Variants in SKIL observed in about 807,000 individuals in gnomAD.
The protein encoded by SKIL is ski-like protein.
In SKIL, 20 loss-of-function variants were observed where a neutral mutation model predicts 69.6. The ratio of observed to expected loss-of-function variants is 0.29; its 90% CI spans 0.20 to 0.42. The LOEUF (loss-of-function observed/expected upper bound fraction) is 0.42. SKIL is among the 10% of genes least tolerant of loss of function. SKIL has a pLI of 1.00. For synonymous variants in SKIL, 310 were observed against 279.9 expected, an observed-to-expected ratio of 1.11 and a Z score of -1.08; for missense variants, 745 against 783.1, an observed-to-expected ratio of 0.95 and a Z score of 0.58.
At position 170,390,397 on chromosome 3, in the gene SKIL, T is replaced by G; in HGVS notation, c.1604T>G (p.Met535Arg). The G allele has an allele frequency of 6.2e-7, 1 of 1,613,226 alleles. No homozygotes were observed. Among genetic ancestry groups the G allele is most frequent in the Non-Finnish European group, 8.5e-7 (1 of 1,179,164 alleles). The change falls in exon 5 of 7, where the codon ATG (methionine) becomes AGG (arginine). Residue 535 changes from methionine (M) to arginine (R), a missense_variant. Transcript: ENST00000259119. ...DDKGKIMEEV[M>R]RTYLKQQEKL... ...AAGGGAAAAATCATGGAAGAAGTAA[T>G]GAGAACTTATTTAAAACAACAGGAA... is the stretch of plus-strand genomic sequence containing the variant.
Position 170,360,194 on chromosome 3 carries a change from T to G in SKIL, c.-138T>G. ...AAACTAAGTCGCAAAATTTATTAATTTAAGGGGCTCTCGCTTTGAAAGTTT... is the reference window on the plus strand; with the variant it reads ...AAACTAAGTCGCAAAATTTATTAATGTAAGGGGCTCTCGCTTTGAAAGTTT... On this transcript the variant is annotated 5_prime_UTR_variant, in exon 2 of 7. The change creates a new upstream start codon in the 5' untranslated region. Coordinates refer to ENST00000259119, the MANE Select transcript of SKIL (RefSeq NM_005414.5). 4.9e-6 allele frequency: 4 copies of G among 819,088 alleles called. No individual in the cohort carries two copies. Among genetic ancestry groups the G allele is most frequent in the African/African-American group, 1.7e-5 (1 of 58,254 alleles). The allele number at this position is 819,088 out of a possible 1,614,324, so 50.7% of individuals were successfully genotyped here.
At chr3:170,379,189 A>C (rs997953772) in intron 2 of SKIL, among the ~76,000 whole-genome samples, 2 of 152,172 alleles carry the variant, frequency 1.3e-5, no homozygotes. Flanking sequence ...TATGTTGGCC[A>C]GGCTGGTCTT....
chr3:170,361,408 T>C lies in SKIL; in HGVS notation c.1077T>C (p.Ser359=), dbSNP rs1736226514. Residue 359 remains serine, a synonymous_variant, in exon 2 of 7, where the codon AGT becomes AGC. Transcript: ENST00000259119. ...TGAAGGAGAAGTTTAGCATGAGAAG[T>C]GGAAAGAGAAATCAATCCAAGGCAA... ...EEMKEKFSMR[S]GKRNQSKTDA... The C allele has an allele frequency of 1.3e-6, 2 of 1,579,738 alleles. No homozygotes were observed. The highest frequency in any genetic ancestry group is 2.7e-5 in the African/African-American group (2 of 73,006).
intron 3 of SKIL, among the ~76,000 whole-genome samples, chr3:170,383,156 A>G (rs575543362): frequency 6.6e-6 from 1 of 152,224 alleles, no homozygotes; most frequent in South Asian, 2.1e-4. Context: ...TGAGCCCTAG[A>G]TTTTTTTCTA....
At chr3:170,384,896 C>G (rs1028115741) in intron 4 of SKIL, 131 bp downstream of exon 4, 1 of 573,220 alleles carries the variant, frequency 1.7e-6, no homozygotes. Flanking sequence ...AAATGCTACC[C>G]TTCAAAACTC....
In SKIL at chr3:170,357,783, C is replaced by T. The variant is rs1424379787; in HGVS notation, c.-634+20C>T. ...GCACAGGTGCGGCTCCGGCTTACGG[C>T]GGCGACGCGGCGGAGGCGGCGGGAG... On this transcript the variant is annotated intron_variant, in intron 1 of 6. Coordinates refer to ENST00000259119, the MANE Select transcript of SKIL (RefSeq NM_005414.5). The T allele has an allele frequency of 6.2e-6, 1 of 162,150 alleles. No individual in the cohort carries two copies. The highest frequency in any genetic ancestry group is 1.3e-5 in the Non-Finnish European group (1 of 75,972). The allele number at this position is 162,150 out of a possible 1,614,324, so 10.0% of individuals were successfully genotyped here.
rs377418575 is a variant in SKIL at position 170,377,267 on chromosome 3, G to C, written c.1099-3977G>C. Among the ~76,000 whole-genome samples the C allele has an allele frequency of 1.6e-3, 247 of 150,298 alleles. 6 individuals are homozygous for C. Among genetic ancestry groups the C allele is most frequent in the African/African-American group, 5.8e-3 (238 of 40,972 alleles). The stretch of plus-strand genomic sequence containing the variant: ...TCCTTTTTTTTTTTGAGATGGAGTT[G>C]CACTTTGTTGCCCAGGCTGGAGTGC... On this transcript the variant is annotated intron_variant, in intron 2 of 6. Transcript: ENST00000259119.
In SKIL at chr3:170,396,234, C is replaced by T. The variant is rs1160822660; in HGVS notation, c.*3817C>T. 1.3e-5 allele frequency: 2 copies of T among 151,830 alleles called. No individual in the cohort carries two copies. The highest frequency in any genetic ancestry group is 2.9e-5 in the Non-Finnish European group (2 of 67,916). The allele number at this position is 151,830 out of a possible 1,614,324, so 9.4% of individuals were successfully genotyped here. On this transcript the variant is annotated 3_prime_UTR_variant, in exon 7 of 7. Transcript: ENST00000259119. ...AAGGAATTTATAAGATTTTTTTCCTCAATATAGATACCTCACTTGAAAAGA... is the reference window on the plus strand; with the variant it reads ...AAGGAATTTATAAGATTTTTTTCCTTAATATAGATACCTCACTTGAAAAGA...
chr3:170,384,025 G>GA (rs1167458525), intron 3 of SKIL, among the ~76,000 whole-genome samples: 1 of 117,808 alleles, frequency 8.5e-6, no homozygotes, highest in African/African-American at 3.4e-5. Flanking sequence ...TTAGTGCTTA[G>GA]AAATTACTTG....
In SKIL at chr3:170,391,103, AAG is replaced by A; in HGVS notation, c.1742_1743del (p.Glu581AlafsTer2). The A allele has an allele frequency of 6.2e-7, 1 of 1,611,126 alleles. No individual in the cohort carries two copies. The highest frequency in any genetic ancestry group is 8.5e-7 in the Non-Finnish European group (1 of 1,177,344). On this transcript the variant is annotated frameshift_variant, in exon 6 of 7. Transcript: ENST00000259119. LOFTEE classifies it high-confidence loss of function. ...ACTGAAGAACAGCAGAATTTACAGA[AAG>A]AGCTTGAATCTTTGCAGAATGAACA...
intron 6 of SKIL, among the ~76,000 whole-genome samples, chr3:170,391,825 TTA>T (rs139006600): frequency 0.37 from 55,534 of 151,896 alleles, 10,880 homozygotes; most frequent in Non-Finnish European, 0.45. Flanking sequence ...CCTCTGAATA[TTA>T]TATGTTATAT....
At chr3:170,380,942 C>T (rs1166982624) in intron 2 of SKIL, among the ~76,000 whole-genome samples, 2 of 151,806 alleles carry the variant, frequency 1.3e-5, no homozygotes, top group East Asian at 3.9e-4. Flanking sequence ...GATTCTCCCA[C>T]CTCAGTCTCC....
intron 2 of SKIL, 48 bp downstream of exon 2, chr3:170,361,477 AATGAAAATTCT>A: frequency 7.1e-7 from 1 of 1,399,022 alleles, no homozygotes; most frequent in Non-Finnish European, 9.7e-7. Context: ...TTTACTTTGA[AATGAAAATTCT>A]ATGTTTAGTG....
intron 6 of SKIL, among the ~76,000 whole-genome samples, 173 bp from the exon 7 acceptor site, chr3:170,392,086 A>G (rs1737954667): frequency 1.3e-5 from 2 of 152,206 alleles, no homozygotes; most frequent in Non-Finnish European, 2.9e-5. Flanking sequence ...TTTTTCTTAA[A>G]TTTAGTGTCC....
At chr3:170,367,840 TA>T (rs1408812074) in intron 2 of SKIL, among the ~76,000 whole-genome samples, 2 of 152,164 alleles carry the variant, frequency 1.3e-5, no homozygotes, top group African/African-American at 4.8e-5. Context: ...TTAATCTACT[TA>T]GGGGGGAAAA....
intron 4 of SKIL, among the ~76,000 whole-genome samples, chr3:170,387,933 C>CAAA (rs541166783): frequency 0.017 from 845 of 50,840 alleles, 99 homozygotes; most frequent in African/African-American, 0.028. Context: ...GACTCCGTCT[C>CAAA]AAAAAAAAAA....
chr3:170,380,582 G>T (rs1737285852), intron 2 of SKIL, among the ~76,000 whole-genome samples: 1 of 151,860 alleles, frequency 6.6e-6, no homozygotes, highest in Admixed American at 6.6e-5. Flanking sequence ...GGTGGAGGTT[G>T]CAGTGAGCCA....
At position 170,392,453 on chromosome 3, in the gene SKIL, A is replaced by C. The variant is rs754419479; in HGVS notation, c.*36A>C. Reference sequence around the variant, plus strand: ...AGAGATTCATCTGTGTATTACTGACAAGGTTTTTTTTGTTTGTTGCTTGCT... The same window carrying C: ...AGAGATTCATCTGTGTATTACTGACCAGGTTTTTTTTGTTTGTTGCTTGCT... On this transcript the variant is annotated 3_prime_UTR_variant, in exon 7 of 7. Coordinates refer to ENST00000259119, the MANE Select transcript of SKIL (RefSeq NM_005414.5). 7.0e-7 allele frequency: 1 copy of C among 1,422,878 alleles called. No individual in the cohort carries two copies. Among genetic ancestry groups the C allele is most frequent in the East Asian group, 2.4e-5 (1 of 41,014 alleles). The allele number at this position is 1,422,878 out of a possible 1,614,324, so 88.1% of individuals were successfully genotyped here.
rs1028474436 is a variant in SKIL, at chr3:170,357,737, C to G, written c.-660C>G. 6.1e-6 allele frequency: 1 copy of G among 163,440 alleles called. No homozygotes were observed. The highest frequency in any genetic ancestry group is 1.8e-4 in the East Asian group (1 of 5,446). The allele number at this position is 163,440 out of a possible 1,614,324, so 10.1% of individuals were successfully genotyped here. Reference sequence around the variant, plus strand: ...GGCACAGCCGAAGGGAGCGGGCGAGCGGCGACGGCGGCGGCGGCGGGCACA... The same window carrying G: ...GGCACAGCCGAAGGGAGCGGGCGAGGGGCGACGGCGGCGGCGGCGGGCACA... On this transcript the variant is annotated 5_prime_UTR_variant, in exon 1 of 7. Coordinates refer to ENST00000259119, the MANE Select transcript of SKIL (RefSeq NM_005414.5).
Sources: gnomAD v4.1 joint callset for allele counts (sites outside exome capture counted in the v4.1 genomes callset) on GRCh38, gnomAD v4.1.1 for gene constraint, MANE v1.5 for transcripts, NCBI Gene and HGNC (gene_info 2026-07-23, HGNC 2026-07-21) for gene names.